Variants in SEPTIN7 observed in about 807,000 individuals in gnomAD.
SEPTIN7 encodes the protein septin-7.
A neutral mutation model predicts 63.3 loss-of-function variants in SEPTIN7; 10 were observed. That is an observed-to-expected ratio of 0.16 (90% CI 0.10 to 0.27). SEPTIN7 has a LOEUF of 0.27. SEPTIN7 is among the 10% of genes least tolerant of loss of function. The pLI is 1.00. For synonymous variants in SEPTIN7, 131 were observed against 165.3 expected, an observed-to-expected ratio of 0.79 and a Z score of 1.59; for missense variants, 310 against 521.0, an observed-to-expected ratio of 0.59 and a Z score of 3.94.
chr7:35,861,278 A>G (rs1002011332), intron 3 of SEPTIN7, among the ~76,000 whole-genome samples: 3 of 152,092 alleles, frequency 2.0e-5, no homozygotes, highest in African/African-American at 4.8e-5. Flanking sequence ...TAAATCTAAT[A>G]TCTGTATTTC....
At chr7:35,811,628 G>A (rs6972499) in intron 1 of SEPTIN7, among the ~76,000 whole-genome samples, 2 of 151,898 alleles carry the variant, frequency 1.3e-5, no homozygotes, top group Non-Finnish European at 2.9e-5. Context: ...GGTTCTCATC[G>A]GTAAACCCAG....
At chr7:35,913,415 C>T in the SEPTIN7 span, among the ~76,000 whole-genome samples, 130 of 152,104 alleles carry the variant, frequency 8.5e-4, no homozygotes, top group East Asian at 0.011. Context: ...CTCTTTCTTT[C>T]TTTCTTTTTC....
chr7:35,877,025 G>C (rs1196712864), intron 6 of SEPTIN7, among the ~76,000 whole-genome samples: 1 of 152,056 alleles, frequency 6.6e-6, no homozygotes, highest in African/African-American at 2.4e-5. Context: ...CTACCCAGGA[G>C]TCAAAGTGGA....
intron 4 of SEPTIN7, among the ~76,000 whole-genome samples, chr7:35,868,577 G>A (rs1178067852): frequency 6.6e-6 from 1 of 152,112 alleles, no homozygotes; most frequent in Admixed American, 6.6e-5. Flanking sequence ...TGAGAAGTGA[G>A]TGGTGAGTCA....
At position 35,904,475 on chromosome 7, in the gene SEPTIN7, G is replaced by C. The variant is rs1209478034; in HGVS notation, c.*182G>C. On this transcript the variant is annotated 3_prime_UTR_variant, in exon 14 of 14. Transcript: ENST00000350320. ...GATTAAGATGCCTTGAATTGTCTAG[G>C]GTGTTCTGTACTTAGAAAGTAAGAG... 1 of 450,950 alleles carries C rather than the reference G, an allele frequency of 2.2e-6. No homozygotes were observed. The highest frequency in any genetic ancestry group is 3.9e-6 in the Non-Finnish European group (1 of 257,292). The allele number at this position is 450,950 out of a possible 1,614,324, so 27.9% of individuals were successfully genotyped here. A position where few individuals can be genotyped will look rare whatever the true frequency, so the allele number is the denominator to read the frequency against.
At position 35,807,685 on chromosome 7, in the gene SEPTIN7, A is replaced by G. The variant is rs1465449594; in HGVS notation, c.61+6415A>G. On this transcript the variant is annotated intron_variant, in intron 1 of 13. Coordinates refer to ENST00000350320, the MANE Select transcript of SEPTIN7 (RefSeq NM_001788.6). Reference sequence around the variant, plus strand: ...GCCAATTTTTGTATTTTTAGTAGAGACAGGGTTTCTCCACATTGGTCAGGC... The same window carrying G: ...GCCAATTTTTGTATTTTTAGTAGAGGCAGGGTTTCTCCACATTGGTCAGGC... Among the ~76,000 whole-genome samples, 14 of 151,986 alleles carry G rather than the reference A, an allele frequency of 9.2e-5. No individual in the cohort carries two copies. The South Asian group carries it at 1.7e-3, about 18-fold the overall frequency.
In SEPTIN7 at chr7:35,878,943, G is replaced by T. The variant is rs150116364; in HGVS notation, c.513-880G>T. On this transcript the variant is annotated intron_variant, in intron 6 of 13. Transcript: ENST00000350320. The stretch of plus-strand genomic sequence containing the variant: ...CAATTGAAGATAATTGAAATCTATT[G>T]TAGTCATAATAATTGTACTGAATGT... Among the ~76,000 whole-genome samples, 969 of 152,298 alleles carry T rather than the reference G, an allele frequency of 6.4e-3. 13 individuals are homozygous for T. Among genetic ancestry groups the T allele is most frequent in the African/African-American group, 0.02 (841 of 41,556 alleles).
intron 1 of SEPTIN7, among the ~76,000 whole-genome samples, chr7:35,808,113 A>G (rs10275485): frequency 0.48 from 73,441 of 151,868 alleles, 19,452 homozygotes; most frequent in African/African-American, 0.71. Flanking sequence ...CACCGCACCC[A>G]GCCTGGTTTT....
chr7:35,852,973 G>A (rs1197930385), intron 3 of SEPTIN7, among the ~76,000 whole-genome samples: 2 of 152,042 alleles, frequency 1.3e-5, no homozygotes, highest in Non-Finnish European at 1.5e-5. Context: ...TTATGATTTA[G>A]TTTCAGGACA....
chr7:35,915,356 A>T, the SEPTIN7 span, among the ~76,000 whole-genome samples: 1 of 152,300 alleles, frequency 6.6e-6, no homozygotes, highest in South Asian at 2.1e-4. Context: ...GACAGTAGGG[A>T]CCAGGGACAT....
intron 4 of SEPTIN7, among the ~76,000 whole-genome samples, chr7:35,868,262 G>A (rs1379802187): frequency 1.3e-5 from 2 of 152,058 alleles, no homozygotes; most frequent in African/African-American, 4.8e-5. Flanking sequence ...TACTTCTCTG[G>A]GGTAACATAC....
intron 3 of SEPTIN7, among the ~76,000 whole-genome samples, chr7:35,851,890 T>C (rs1365547704): frequency 2.6e-5 from 4 of 152,192 alleles, no homozygotes; most frequent in Non-Finnish European, 5.9e-5. Context: ...ATAGCCTCAC[T>C]GCTTTCAACA....
At chr7:35,913,576 C>A in the SEPTIN7 span, among the ~76,000 whole-genome samples, 1 of 143,430 alleles carries the variant, frequency 7.0e-6, no homozygotes, top group East Asian at 2.0e-4. Flanking sequence ...TCTTTCCTTC[C>A]TTCCTTCTTT....
chr7:35,898,751 G>A (rs1562590413), intron 12 of SEPTIN7: 1 of 158,986 alleles, frequency 6.3e-6, no homozygotes, highest in Non-Finnish European at 1.4e-5. Flanking sequence ...CACAAACTGT[G>A]TTAGGATAAT....
At chr7:35,895,065 C>G (rs1382228167) in intron 11 of SEPTIN7, among the ~76,000 whole-genome samples, 5 of 151,886 alleles carry the variant, frequency 3.3e-5, no homozygotes, top group Middle Eastern at 3.2e-3. Flanking sequence ...ATTTCTTTGT[C>G]TGGGTTTTTA....
At chr7:35,909,254 A>G (rs1400547243), downstream of SEPTIN7, among the ~76,000 whole-genome samples, 2 of 152,244 alleles carry the variant, frequency 1.3e-5, no homozygotes, top group African/African-American at 2.4e-5. Flanking sequence ...CCAGACACAA[A>G]TGAAATCTTC....
At chr7:35,843,764 A>C (rs966215938) in intron 3 of SEPTIN7, among the ~76,000 whole-genome samples, 1 of 152,192 alleles carries the variant, frequency 6.6e-6, no homozygotes, top group African/African-American at 2.4e-5. Context: ...ATGTCCCCCA[A>C]ATTTACTAAC....
intron 4 of SEPTIN7, among the ~76,000 whole-genome samples, chr7:35,865,373 C>T (rs536411001): frequency 1.3e-5 from 2 of 152,228 alleles, no homozygotes; most frequent in African/African-American, 4.8e-5. Context: ...GATAAATTTG[C>T]CTGTTCTTGA....
At chr7:35,841,872 A>G (rs1784422405) in intron 3 of SEPTIN7, among the ~76,000 whole-genome samples, 1 of 152,194 alleles carries the variant, frequency 6.6e-6, no homozygotes. Flanking sequence ...TAATTTCTAA[A>G]TCTTTCCTAG....
Sources: allele counts gnomAD v4.1 joint callset (sites outside exome capture counted in the v4.1 genomes callset), GRCh38; gene constraint gnomAD v4.1.1; transcripts MANE v1.5; gene names NCBI Gene and HGNC (gene_info 2026-07-23, HGNC 2026-07-21).